The following ANKS1B variants were observed in gnomAD, a reference collection of about 807,000 sequenced individuals.
ANKS1B encodes ankyrin repeat and sterile alpha motif domain-containing protein 1B.
In ANKS1B, 36 loss-of-function variants were observed where a neutral mutation model predicts 148.3. That is an observed-to-expected ratio of 0.24 (90% CI 0.19 to 0.32). The LOEUF is 0.32. ANKS1B is among the 10% of genes least tolerant of loss of function. The pLI is 1.00. For missense variants in ANKS1B, 1,157 were observed against 1,542.6 expected (o/e 0.75, Z 4.19); for synonymous variants, 542 against 560.8 (o/e 0.97, Z 0.47).
At chr12:99,598,308 A>C (rs1053043930) in intron 9 of ANKS1B, among the ~76,000 whole-genome samples, 8 of 152,106 alleles carry the variant, frequency 5.3e-5, no homozygotes, top group African/African-American at 1.9e-4. Flanking sequence ...CAGTGAAGAG[A>C]CAGTCATAAA....
At chr12:98,892,342 G>A (rs1012450751) in intron 17 of ANKS1B, among the ~76,000 whole-genome samples, 2 of 152,196 alleles carry the variant, frequency 1.3e-5, no homozygotes, top group African/African-American at 4.8e-5. Context: ...AGAATGGCTT[G>A]ATAACAAACT....
At position 99,402,854 on chromosome 12, in the gene ANKS1B, C is replaced by T. The variant is rs762813341; in HGVS notation, c.1576-3043G>A. 4.1e-5 allele frequency among the ~76,000 whole-genome samples: 6 copies of T among 145,794 alleles called. 1 individual carries two copies. Among genetic ancestry groups the T allele is most frequent in the Non-Finnish European group, 4.5e-5 (3 of 66,080 alleles). On this transcript the variant is annotated intron_variant, in intron 11 of 26. Coordinates refer to ENST00000683438, the MANE Select transcript of ANKS1B (RefSeq NM_001352186.2). ...ATACGCAGTAATGGGATTACTGGAT[C>T]GAATGGTATTTCTGACTTTAAGTCT...
rs1230015038 is a variant in ANKS1B, at chr12:98,777,681, C to G, written c.3441+3436G>C. On this transcript the variant is annotated intron_variant, in intron 24 of 26. Transcript: ENST00000683438. ...TTAATTCAAGATCGCTTTCTGCTTC[C>G]TCCTTCTTAAATCAGGATTAGTGAT... Among the ~76,000 whole-genome samples the G allele has an allele frequency of 2.6e-5, 4 of 152,358 alleles. No individual in the cohort carries two copies. In the East Asian group the frequency reaches 7.7e-4, roughly 29 times the overall value.
At chr12:98,828,669 T>C (rs2099270316) in intron 19 of ANKS1B, among the ~76,000 whole-genome samples, 1 of 152,330 alleles carries the variant, frequency 6.6e-6, no homozygotes, top group Middle Eastern at 3.4e-3. Flanking sequence ...TTTCAATTAC[T>C]TGTGCTAGAA....
chr12:98,961,915 A>T (rs949589599), intron 17 of ANKS1B, among the ~76,000 whole-genome samples: 1 of 152,084 alleles, frequency 6.6e-6, no homozygotes, highest in Non-Finnish European at 1.5e-5. Context: ...ACAGAGAAAA[A>T]ATATGCAAAA....
chr12:99,193,506 A>T (rs1035380226), intron 14 of ANKS1B, among the ~76,000 whole-genome samples: 1 of 152,072 alleles, frequency 6.6e-6, no homozygotes, highest in Non-Finnish European at 1.5e-5. Context: ...TAAAAATACA[A>T]TTTTTTCTGG....
chr12:99,360,244 T>C (rs1406081031), intron 12 of ANKS1B, among the ~76,000 whole-genome samples: 1 of 152,164 alleles, frequency 6.6e-6, no homozygotes, highest in Non-Finnish European at 1.5e-5. Flanking sequence ...AGTCACTTAA[T>C]GTCTTCAGGT....
chr12:99,825,460 G>GCTGACT, intron 1 of ANKS1B, 71 bp from the exon 2 acceptor site: 1 of 1,210,870 alleles, frequency 8.3e-7, no homozygotes, highest in Non-Finnish European at 1.2e-6. Flanking sequence ...AAAGAAGGCT[G>GCTGACT]GTAGCCCCAC....
rs1397286781 is a variant in ANKS1B, at chr12:99,801,441, A to G, written c.669+4963T>C. Among the ~76,000 whole-genome samples the G allele has an allele frequency of 4.6e-5, 7 of 152,324 alleles. No individual in the cohort carries two copies. In the South Asian group the frequency reaches 1.4e-3, roughly 32 times the overall value. On this transcript the variant is annotated intron_variant, in intron 4 of 26. Coordinates refer to ENST00000683438, the MANE Select transcript of ANKS1B (RefSeq NM_001352186.2). ...GTCAGTGCTGATGATGAATCAAGTAAGAGGAGAAGCAGGAATTGACTGTTG... is the reference window on the plus strand; with the variant it reads ...GTCAGTGCTGATGATGAATCAAGTAGGAGGAGAAGCAGGAATTGACTGTTG...
chr12:99,302,200 A>C (rs2081735234), intron 12 of ANKS1B, among the ~76,000 whole-genome samples: 1 of 152,178 alleles, frequency 6.6e-6, no homozygotes, highest in African/African-American at 2.4e-5. Flanking sequence ...TTTTTGGAAT[A>C]AATGATGTGC....
rs543150399 is a variant in ANKS1B at position 99,421,421 on chromosome 12, G to A, written c.1576-21610C>T. ...CTCTAAGTAGAAACCTTCCGGGGGC[G>A]TCTCTGATGGGAAATAAGTGGCAGA... On this transcript the variant is annotated intron_variant, in intron 11 of 26. Transcript: ENST00000683438. Among the ~76,000 whole-genome samples, 9 of 152,220 alleles carry A rather than the reference G, an allele frequency of 5.9e-5. No homozygotes were observed. The East Asian group carries it at 1.2e-3, about 20-fold the overall frequency.
chr12:98,797,425 G>T (rs1392465019), intron 22 of ANKS1B, among the ~76,000 whole-genome samples: 1 of 152,084 alleles, frequency 6.6e-6, no homozygotes, highest in East Asian at 1.9e-4. Flanking sequence ...GACAATAATT[G>T]TACTAGGGGA....
chr12:99,327,161 A>C (rs1369435637), intron 12 of ANKS1B, among the ~76,000 whole-genome samples: 1 of 119,844 alleles, frequency 8.3e-6, no homozygotes, highest in Non-Finnish European at 1.6e-5. Flanking sequence ...ATAATATATA[A>C]TATATAATTA....
chr12:99,532,227 T>C (rs1032549588), intron 9 of ANKS1B, among the ~76,000 whole-genome samples: 79 of 152,368 alleles, frequency 5.2e-4, no homozygotes, highest in African/African-American at 1.9e-3. Flanking sequence ...TTTGTTTTGT[T>C]GGATTTGCTT....
At chr12:99,047,394 T>C (rs1443275535) in intron 17 of ANKS1B, among the ~76,000 whole-genome samples, 2 of 152,196 alleles carry the variant, frequency 1.3e-5, no homozygotes, top group Non-Finnish European at 2.9e-5. Context: ...AATAAGACTC[T>C]GTCTCAGAAA....
chr12:99,232,151 A>ATTTATCTATTGTCTAAGCATTGT (rs2086977661), intron 14 of ANKS1B, among the ~76,000 whole-genome samples: 1 of 152,252 alleles, frequency 6.6e-6, no homozygotes, highest in East Asian at 1.9e-4. Context: ...TTGTCTAAGA[A>ATTTATCTATTGTCTAAGCATTGT]CTATGCTTTA....
At chr12:99,586,456 C>T (rs538296713) in intron 9 of ANKS1B, among the ~76,000 whole-genome samples, 43 of 152,316 alleles carry the variant, frequency 2.8e-4, no homozygotes, top group Admixed American at 7.8e-4. Context: ...CAAGCTTTCC[C>T]ACATCTTCCT....
At chr12:99,567,392 T>C (rs1243866866) in intron 9 of ANKS1B, among the ~76,000 whole-genome samples, 2 of 152,180 alleles carry the variant, frequency 1.3e-5, no homozygotes, top group Admixed American at 6.5e-5. Context: ...TATATGCTTA[T>C]ATCCCTCTGA....
intron 13 of ANKS1B, among the ~76,000 whole-genome samples, chr12:99,245,955 C>T (rs575963417): frequency 1.1e-3 from 168 of 152,182 alleles, no homozygotes; most frequent in Middle Eastern, 0.01. Flanking sequence ...AAATACTGAG[C>T]TTTTTCTCGA....
Sources: allele counts gnomAD v4.1 joint callset (sites outside exome capture counted in the v4.1 genomes callset), GRCh38; gene constraint gnomAD v4.1.1; transcripts MANE v1.5; gene names NCBI Gene and HGNC (gene_info 2026-07-23, HGNC 2026-07-21).